Variants in CTNNA3 observed in about 807,000 individuals in gnomAD.
CTNNA3 encodes the protein catenin alpha 3.
CTNNA3 carries 76 observed loss-of-function variants against 95.7 expected under a neutral mutation model. The ratio of observed to expected loss-of-function variants is 0.79; its 90% CI spans 0.66 to 0.96. The LOEUF (loss-of-function observed/expected upper bound fraction) is 0.96, where lower values mean the gene tolerates loss of function less well. Ranked by LOEUF, CTNNA3 falls within the 40% of genes least tolerant of loss-of-function variation. CTNNA3 has a pLI of 0.00. For missense variants in CTNNA3, 1,191 were observed against 1,089.8 expected (o/e 1.09, Z -1.31); for synonymous variants, 431 against 374.4 (o/e 1.15, Z -1.74).
intron 9 of CTNNA3, among the ~76,000 whole-genome samples, chr10:66,642,084 C>T (rs1007606293): frequency 6.6e-5 from 10 of 151,936 alleles, no homozygotes; most frequent in East Asian, 1.9e-4. Flanking sequence ...GTGGATAAAA[C>T]GAAACAAAGG....
intron 9 of CTNNA3, among the ~76,000 whole-genome samples, chr10:66,749,423 G>C (rs1183932462): frequency 6.6e-6 from 1 of 151,904 alleles, no homozygotes; most frequent in Admixed American, 6.6e-5. Context: ...TGTCCACATA[G>C]CTTTGTCTTT....
chr10:66,059,494 A>G (rs1159939152), intron 15 of CTNNA3, among the ~76,000 whole-genome samples: 2 of 152,116 alleles, frequency 1.3e-5, no homozygotes, highest in Admixed American at 1.3e-4. Flanking sequence ...AACATTCTGC[A>G]TTCCTTTCAG....
chr10:67,119,330 A>C (rs1174188176), intron 7 of CTNNA3, among the ~76,000 whole-genome samples: 1 of 151,972 alleles, frequency 6.6e-6, no homozygotes, highest in African/African-American at 2.4e-5. Context: ...TGTTAAAAGG[A>C]AACTCAGACG....
At chr10:66,900,132 C>G (rs1402490760) in intron 7 of CTNNA3, among the ~76,000 whole-genome samples, 1 of 152,114 alleles carries the variant, frequency 6.6e-6, no homozygotes, top group Non-Finnish European at 1.5e-5. Context: ...GGCTGCCCCT[C>G]TGGGACAAAG....
chr10:66,859,716 C>T lies in CTNNA3; in HGVS notation c.1048-84192G>A, dbSNP rs568509390. Among the ~76,000 whole-genome samples the T allele has an allele frequency of 9.7e-5, 13 of 134,576 alleles. No homozygotes were observed. In the East Asian group the frequency reaches 1.2e-3, roughly 12 times the overall value. The allele number at this position is 134,576 out of a possible 152,430, so 88.3% of individuals were successfully genotyped here. A position where few individuals can be genotyped will look rare whatever the true frequency, so the allele number is the denominator to read the frequency against. ...ATGCTGCTATAAAGACACATGCACA[C>T]GTATGTTTACTGCGGCACTATTCAC... On this transcript the variant is annotated intron_variant, in intron 7 of 17. Transcript: ENST00000433211.
rs2076969400 is a variant in CTNNA3 at position 65,913,394 on chromosome 10, G to T, written c.*6936C>A. 6.6e-6 allele frequency: 1 copy of T among 152,034 alleles called. No individual in the cohort carries two copies. Among genetic ancestry groups the T allele is most frequent in the South Asian group, 2.1e-4 (1 of 4,830 alleles). The allele number at this position is 152,034 out of a possible 1,614,324, so 9.4% of individuals were successfully genotyped here. Reference sequence around the variant, plus strand: ...TTGGGCATAAAATATGTCTACTTCTGTTTTCAGGAACTTGTTAGTCACGGA... The same window carrying T: ...TTGGGCATAAAATATGTCTACTTCTTTTTTCAGGAACTTGTTAGTCACGGA... On this transcript the variant is annotated 3_prime_UTR_variant, in exon 18 of 18. Transcript: ENST00000433211.
chr10:66,142,166 T>C (rs547038915), intron 13 of CTNNA3, among the ~76,000 whole-genome samples: 1 of 152,300 alleles, frequency 6.6e-6, no homozygotes, highest in South Asian at 2.1e-4. Flanking sequence ...CATTTTTAGT[T>C]AGTGTTTGTA....
intron 5 of CTNNA3, among the ~76,000 whole-genome samples, chr10:67,380,020 CAAAAA>C (rs10591803): frequency 5.4e-5 from 4 of 74,082 alleles, no homozygotes; most frequent in Non-Finnish European, 1.0e-4. Flanking sequence ...GACTCCGTCT[CAAAAA>C]AAAAAAAAAA....
intron 12 of CTNNA3, among the ~76,000 whole-genome samples, chr10:66,307,768 T>C (rs960714215): frequency 2.0e-5 from 3 of 152,224 alleles, no homozygotes; most frequent in Non-Finnish European, 2.9e-5. Flanking sequence ...TGATAATTCA[T>C]TTTTTGACAT....
chr10:66,447,900 T>C (rs909565433), intron 11 of CTNNA3, among the ~76,000 whole-genome samples: 10 of 151,984 alleles, frequency 6.6e-5, no homozygotes, highest in Admixed American at 5.2e-4. Context: ...ACCTACAAAA[T>C]AGGAGAATAT....
At chr10:66,605,295 A>T (rs1399789163) in intron 10 of CTNNA3, among the ~76,000 whole-genome samples, 3 of 152,168 alleles carry the variant, frequency 2.0e-5, no homozygotes, top group African/African-American at 7.2e-5. Context: ...AACCTAAGAT[A>T]AATATGAGAT....
At chr10:66,759,279 C>A (rs768016155) in intron 9 of CTNNA3, among the ~76,000 whole-genome samples, 36 of 152,156 alleles carry the variant, frequency 2.4e-4, no homozygotes, top group Non-Finnish European at 4.6e-4. Flanking sequence ...TTAATGTGTT[C>A]GTATTCATTG....
At chr10:67,488,367 C>T (rs765506707) in intron 5 of CTNNA3, among the ~76,000 whole-genome samples, 3 of 152,066 alleles carry the variant, frequency 2.0e-5, no homozygotes, top group Non-Finnish European at 4.4e-5. Flanking sequence ...CTTGCATCAG[C>T]TGATTTCTTT....
intron 3 of CTNNA3, among the ~76,000 whole-genome samples, chr10:67,602,075 A>G (rs1160155537): frequency 6.6e-6 from 1 of 152,194 alleles, no homozygotes; most frequent in East Asian, 1.9e-4. Context: ...AAAATAAGTC[A>G]ATAAATATAT....
intron 7 of CTNNA3, among the ~76,000 whole-genome samples, chr10:66,936,016 A>G (rs1318324078): frequency 6.6e-6 from 1 of 152,182 alleles, no homozygotes; most frequent in African/African-American, 2.4e-5. Flanking sequence ...CTAATCTGCC[A>G]GTATAGTGTT....
chr10:66,739,241 A>T (rs968628112), intron 9 of CTNNA3, among the ~76,000 whole-genome samples: 1 of 152,102 alleles, frequency 6.6e-6, no homozygotes, highest in Non-Finnish European at 1.5e-5. Flanking sequence ...CACCTGGAGG[A>T]CTTGTAAAAA....
At chr10:66,133,360 C>T (rs936149816) in intron 13 of CTNNA3, among the ~76,000 whole-genome samples, 3 of 151,734 alleles carry the variant, frequency 2.0e-5, no homozygotes, top group East Asian at 3.9e-4. Context: ...ACTAAAAATA[C>T]AAAAATTAGC....
chr10:66,018,538 C>T (rs549234201), intron 15 of CTNNA3, among the ~76,000 whole-genome samples: 2 of 152,050 alleles, frequency 1.3e-5, no homozygotes, highest in East Asian at 3.8e-4. Flanking sequence ...TAAGCACTCA[C>T]AATTCAGGTA....
At chr10:67,644,051 T>A (rs1184598740) in intron 2 of CTNNA3, among the ~76,000 whole-genome samples, 3 of 152,220 alleles carry the variant, frequency 2.0e-5, no homozygotes, top group African/African-American at 4.8e-5. Flanking sequence ...ATATACCCAG[T>A]AACAAGATGG....
Sources: gnomAD v4.1 joint callset for allele counts (sites outside exome capture counted in the v4.1 genomes callset) on GRCh38, gnomAD v4.1.1 for gene constraint, MANE v1.5 for transcripts, NCBI Gene and HGNC (gene_info 2026-07-23, HGNC 2026-07-21) for gene names.